NIBAN2: variants seen among roughly 807,000 people sequenced by gnomAD.
NIBAN2 encodes the protein niban apoptosis regulator 2, also known as protein Niban 2.
Under a neutral mutation model 81.8 loss-of-function variants are expected in NIBAN2, and 36 were observed. That is an observed-to-expected ratio of 0.44 (90% CI 0.34 to 0.58). The LOEUF (loss-of-function observed/expected upper bound fraction) is 0.58, where lower values mean the gene tolerates loss of function less well. Ranked by LOEUF, NIBAN2 falls within the 20% of genes least tolerant of loss-of-function variation. NIBAN2 has a pLI of 0.02. For missense variants in NIBAN2, 897 were observed against 1,014.1 expected, an observed-to-expected ratio of 0.88 and a Z score of 1.57; for synonymous variants, 445 against 441.6, an observed-to-expected ratio of 1.01 and a Z score of -0.10.
Position 127,545,659 on chromosome 9 carries a change from C to G in NIBAN2, c.56-13881G>C, listed in dbSNP as rs1164349115. On this transcript the variant is annotated intron_variant, in intron 1 of 13. Coordinates refer to ENST00000373312, the MANE Select transcript of NIBAN2 (RefSeq NM_022833.4). This position sits in a 1 kb window ranked among gnomAD's most constrained non-coding sequence, Gnocchi z 4.7. ...TAACCAGGGCTGGGCCACAACAGGT[C>G]TGGTGGGGAAGGGTGAGCTTTGAGG... is the stretch of plus-strand genomic sequence containing the variant. Among the ~76,000 whole-genome samples, 1 of 152,126 alleles carries G rather than the reference C, an allele frequency of 6.6e-6. No individual in the cohort carries two copies. The highest frequency in any genetic ancestry group is 2.4e-5 in the African/African-American group (1 of 41,414).
At chr9:127,553,437 G>A (rs372273161) in intron 1 of NIBAN2, among the ~76,000 whole-genome samples, 2 of 152,208 alleles carry the variant, frequency 1.3e-5, no homozygotes, top group Non-Finnish European at 2.9e-5. Context: ...ACTGAACCCC[G>A]AGGACGGAAA....
rs115851622 is a variant in NIBAN2 at position 127,507,397 on chromosome 9, G to T, written c.1689C>A (p.Asn563Lys). Residue 563 changes from asparagine to lysine, a missense_variant, in exon 14 of 14, where the codon AAC becomes AAA. By Grantham distance (94) the Asn-to-Lys change is moderately conservative. This residue lies in a region of NIBAN2 where 619 missense variants were observed against 691.0 expected (regional missense o/e 0.90). Coordinates refer to ENST00000373312, the MANE Select transcript of NIBAN2 (RefSeq NM_022833.4). This position sits in a 1 kb window ranked among gnomAD's most constrained non-coding sequence, Gnocchi z 6.8. ...GCATGACCATGCTGTCCCGGTAGAG[G>T]TTGTGCTTCCTCTGCACCGCGGCCT... ...VKEAAVQRKHNLYRDSMVMHN... is the reference protein window; with the variant it reads ...VKEAAVQRKHKLYRDSMVMHN... The T allele has an allele frequency of 1.4e-4, 206 of 1,519,100 alleles. No homozygotes were observed. The highest frequency in any genetic ancestry group is 6.3e-4 in the African/African-American group (45 of 71,890). The allele number at this position is 1,519,100 out of a possible 1,614,324, so 94.1% of individuals were successfully genotyped here. A position where few individuals can be genotyped will look rare whatever the true frequency, so the allele number is the denominator to read the frequency against.
At chr9:127,514,525 T>C (rs1224757326) in intron 8 of NIBAN2, among the ~76,000 whole-genome samples, 1 of 152,168 alleles carries the variant, frequency 6.6e-6, no homozygotes, top group East Asian at 1.9e-4. Context: ...TAGCTAGAAG[T>C]AGACAAAAAC....
chr9:127,526,398 C>CT (rs1554766496), intron 3 of NIBAN2, among the ~76,000 whole-genome samples: 1 of 92,592 alleles, frequency 1.1e-5, no homozygotes, highest in Admixed American at 1.2e-4. Flanking sequence ...GACTTCATCT[C>CT]AAAAAAAAAA....
At chr9:127,526,816 G>A (rs1010739762) in intron 3 of NIBAN2, among the ~76,000 whole-genome samples, 2 of 152,164 alleles carry the variant, frequency 1.3e-5, no homozygotes, top group African/African-American at 2.4e-5. Flanking sequence ...AGCTCTCTGT[G>A]GCTGTCGAGG....
At chr9:127,543,591 T>C (rs1037421455) in intron 1 of NIBAN2, among the ~76,000 whole-genome samples, 9 of 152,190 alleles carry the variant, frequency 5.9e-5, no homozygotes, top group Non-Finnish European at 1.3e-4. Flanking sequence ...ACAAGCATGT[T>C]ACACAGAATC....
At chr9:127,572,739 G>A (rs1278985574), upstream of NIBAN2, among the ~76,000 whole-genome samples, 3 of 152,008 alleles carry the variant, frequency 2.0e-5, no homozygotes, top group Non-Finnish European at 2.9e-5. Context: ...ATTGTTGCGA[G>A]GATTTTTTTT....
At chr9:127,510,786 G>A (rs1836724065) in intron 8 of NIBAN2, among the ~76,000 whole-genome samples, 1 of 152,124 alleles carries the variant, frequency 6.6e-6, no homozygotes, top group Non-Finnish European at 1.5e-5. Context: ...AGGCCGGAGT[G>A]CAGTGGAATA....
intron 1 of NIBAN2, among the ~76,000 whole-genome samples, chr9:127,556,904 G>A (rs1837682149): frequency 2.0e-5 from 3 of 152,188 alleles, no homozygotes; most frequent in Admixed American, 2.0e-4. Flanking sequence ...GGGAGACTCT[G>A]CCTATACAAA....
intron 1 of NIBAN2, among the ~76,000 whole-genome samples, chr9:127,558,564 TCTC>T (rs1303252886): frequency 6.6e-6 from 1 of 151,916 alleles, no homozygotes; most frequent in Non-Finnish European, 1.5e-5. Flanking sequence ...AGCAGACACT[TCTC>T]ATCAGCACCT....
rs1836652092 is a variant in NIBAN2 at position 127,508,220 on chromosome 9, CG to C, written c.1435-21del. 2 of 1,597,196 alleles carry C rather than the reference CG, an allele frequency of 1.3e-6. No individual in the cohort carries two copies. Among genetic ancestry groups the C allele is most frequent in the Non-Finnish European group, 8.6e-7 (1 of 1,166,292 alleles). On this transcript the variant is annotated intron_variant, in intron 11 of 13. Transcript: ENST00000373312. The surrounding 1 kb of genome is among the most constrained non-coding windows in gnomAD (Gnocchi z 6.4). ...GTATTTCTGCAGGGAACAAGGGGGT[CG>C]GGGGTCTGCAGGTCAGTGGGCTCCA...
At chr9:127,532,728 T>TA (rs879622391) in intron 1 of NIBAN2, among the ~76,000 whole-genome samples, 4,714 of 146,562 alleles carry the variant, frequency 0.032, 184 homozygotes, top group African/African-American at 0.093. Flanking sequence ...TCAGCTCATT[T>TA]AAAAAAAAAA....
chr9:127,510,839 C>A (rs1262048339), intron 8 of NIBAN2, among the ~76,000 whole-genome samples: 1 of 152,146 alleles, frequency 6.6e-6, no homozygotes, highest in African/African-American at 2.4e-5. Context: ...CTCAAGCAAT[C>A]CTCCCACTTC....
In NIBAN2 at chr9:127,506,841, T is replaced by C. The variant is rs1319650561; in HGVS notation, c.*4A>G. 1 of 1,596,620 alleles carries C rather than the reference T, an allele frequency of 6.3e-7. No individual in the cohort carries two copies. Among genetic ancestry groups the C allele is most frequent in the Non-Finnish European group, 8.5e-7 (1 of 1,171,934 alleles). On this transcript the variant is annotated 3_prime_UTR_variant, in exon 14 of 14. Coordinates refer to ENST00000373312, the MANE Select transcript of NIBAN2 (RefSeq NM_022833.4). Reference sequence around the variant, plus strand: ...CCATGTGCAGCAGTCAGGGACCCACTGGCCTAGAACTCAGTCTGCACCCCT... The same window carrying C: ...CCATGTGCAGCAGTCAGGGACCCACCGGCCTAGAACTCAGTCTGCACCCCT...
In NIBAN2 at chr9:127,559,472, C is replaced by T. The variant is rs1485088662; in HGVS notation, c.55+9348G>A. 3.3e-5 allele frequency among the ~76,000 whole-genome samples: 5 copies of T among 152,212 alleles called. No individual in the cohort carries two copies. Among genetic ancestry groups the T allele is most frequent in the East Asian group, 1.9e-4 (1 of 5,194 alleles). On this transcript the variant is annotated intron_variant, in intron 1 of 13. Coordinates refer to ENST00000373312, the MANE Select transcript of NIBAN2 (RefSeq NM_022833.4). This position sits in a 1 kb window ranked among gnomAD's most constrained non-coding sequence, Gnocchi z 4.0. ...ATCCTGGGGAGCCTGCCTCCTAGCC[C>T]GCACCCACCAGTGGTTCCTGGCAGG...
chr9:127,560,831 T>C (rs1837760875), intron 1 of NIBAN2, among the ~76,000 whole-genome samples: 1 of 152,148 alleles, frequency 6.6e-6, no homozygotes, highest in African/African-American at 2.4e-5. Context: ...CCTCTATTTC[T>C]ACATAGAAGC....
intron 1 of NIBAN2, among the ~76,000 whole-genome samples, chr9:127,556,750 G>A (rs1256311611): frequency 6.6e-6 from 1 of 152,118 alleles, no homozygotes; most frequent in African/African-American, 2.4e-5. Flanking sequence ...GAGTTAGCCC[G>A]CAGGTACTCA....
chr9:127,508,637 C>T lies in NIBAN2; in HGVS notation c.1318-99G>A, dbSNP rs1380653875. The T allele has an allele frequency of 4.3e-5, 44 of 1,020,140 alleles. No individual in the cohort carries two copies. Among genetic ancestry groups the T allele is most frequent in the East Asian group, 3.8e-4 (16 of 42,052 alleles). 63.2% of individuals were successfully genotyped at this position (1,020,140 alleles called of 1,614,324 possible). A position where few individuals can be genotyped will look rare whatever the true frequency, so the allele number is the denominator to read the frequency against. ...CTCATCCTCAACCAGCCCCCCACCC[C>T]GAGGCCTGCCAGGGAGGAATGGCAA... is the stretch of plus-strand genomic sequence containing the variant. On this transcript the variant is annotated intron_variant, in intron 10 of 13. Transcript: ENST00000373312. The surrounding 1 kb of genome is among the most constrained non-coding windows in gnomAD (Gnocchi z 6.4).
chr9:127,510,033 A>G, intron 9 of NIBAN2, 113 bp downstream of exon 9: 1 of 1,012,830 alleles, frequency 9.9e-7, no homozygotes, highest in South Asian at 1.7e-5. Context: ...CTCCCCGTCT[A>G]CAGGGACGGC....
Sources: gnomAD v4.1 joint callset for allele counts (sites outside exome capture counted in the v4.1 genomes callset) on GRCh38, gnomAD v4.1.1 for gene constraint, gnomAD v4.1.1 regional missense constraint, Gnocchi (gnomAD v3.1) non-coding constraint, MANE v1.5 for transcripts, NCBI Gene and HGNC (gene_info 2026-07-23, HGNC 2026-07-21) for gene names.